The following SGCZ variants were observed in gnomAD, a reference collection of about 807,000 sequenced individuals.
SGCZ encodes the protein sarcoglycan zeta.
A neutral mutation model predicts 41.3 loss-of-function variants in SGCZ; 40 were observed. The observed-to-expected ratio is 0.97, with a 90% CI of 0.75 to 1.26. SGCZ has a LOEUF of 1.26. Ranked by LOEUF, SGCZ falls within the 50% of genes most tolerant of loss-of-function variation. The pLI is 0.00. For synonymous variants in SGCZ, 206 were observed against 137.5 expected (o/e 1.50, Z -3.49); for missense variants, 552 against 369.8 (o/e 1.49, Z -4.04).
At chr8:14,665,085 A>T (rs1444474384) in intron 1 of SGCZ, among the ~76,000 whole-genome samples, 2 of 152,354 alleles carry the variant, frequency 1.3e-5, no homozygotes, top group Admixed American at 6.5e-5. Context: ...ACATATGTAT[A>T]CATGCCATGT....
chr8:14,280,370 T>G (rs1180145503), intron 3 of SGCZ, among the ~76,000 whole-genome samples: 2 of 151,854 alleles, frequency 1.3e-5, no homozygotes, highest in African/African-American at 4.8e-5. Flanking sequence ...AATGATTAAG[T>G]GTTTATAACC....
At chr8:14,367,008 G>C (rs1803732370) in intron 2 of SGCZ, among the ~76,000 whole-genome samples, 1 of 152,048 alleles carries the variant, frequency 6.6e-6, no homozygotes, top group South Asian at 2.1e-4. Flanking sequence ...CAGAAAATGG[G>C]TTTTTCTTTT....
intron 7 of SGCZ, among the ~76,000 whole-genome samples, chr8:14,093,479 G>A (rs1041076656): frequency 2.0e-5 from 3 of 151,982 alleles, no homozygotes; most frequent in African/African-American, 7.3e-5. Flanking sequence ...TCTTCCTCTT[G>A]CTCCAGTTCT....
intron 1 of SGCZ, among the ~76,000 whole-genome samples, chr8:15,006,134 G>C (rs1585463916): frequency 6.6e-6 from 1 of 152,118 alleles, no homozygotes; most frequent in Non-Finnish European, 1.5e-5. Flanking sequence ...GGGAAAGAGA[G>C]AGGAATAAAT....
intron 1 of SGCZ, among the ~76,000 whole-genome samples, chr8:14,555,557 C>T (rs1310274017): frequency 2.6e-5 from 4 of 152,042 alleles, no homozygotes; most frequent in Admixed American, 2.0e-4. Flanking sequence ...CCTGTACAGC[C>T]TGTAGAACTA....
At chr8:14,740,012 T>G (rs1799153110) in intron 1 of SGCZ, among the ~76,000 whole-genome samples, 1 of 152,010 alleles carries the variant, frequency 6.6e-6, no homozygotes, top group African/African-American at 2.4e-5. Flanking sequence ...TAGGCCTTAT[T>G]ACAAAGTCAA....
chr8:14,573,903 C>G (rs1804633481), intron 1 of SGCZ, among the ~76,000 whole-genome samples: 1 of 152,006 alleles, frequency 6.6e-6, no homozygotes, highest in South Asian at 2.1e-4. Flanking sequence ...AAGGTGAGTT[C>G]CTTTAAGCCA....
intron 1 of SGCZ, among the ~76,000 whole-genome samples, chr8:15,178,545 G>A (rs115542254): frequency 6.6e-6 from 1 of 152,122 alleles, no homozygotes; most frequent in Admixed American, 6.5e-5. Flanking sequence ...CTTATTCTTT[G>A]TTTATTGTAT....
At chr8:14,937,102 G>T (rs1372905957) in intron 1 of SGCZ, among the ~76,000 whole-genome samples, 2 of 151,724 alleles carry the variant, frequency 1.3e-5, no homozygotes, top group African/African-American at 4.8e-5. Context: ...CTGGCCAAAA[G>T]TTGATTATCT....
intron 1 of SGCZ, among the ~76,000 whole-genome samples, chr8:14,969,339 C>T (rs961291249): frequency 1.3e-5 from 2 of 152,116 alleles, no homozygotes; most frequent in Non-Finnish European, 2.9e-5. Context: ...GAAACATCTA[C>T]TTTCATCATT....
intron 1 of SGCZ, among the ~76,000 whole-genome samples, chr8:14,634,893 T>C (rs991308799): frequency 3.9e-5 from 6 of 151,916 alleles, no homozygotes; most frequent in African/African-American, 1.2e-4. Context: ...CATCCAAGTA[T>C]CATAATTTTA....
intron 1 of SGCZ, among the ~76,000 whole-genome samples, chr8:14,832,670 T>C (rs1802572074): frequency 6.6e-6 from 1 of 152,174 alleles, no homozygotes. Context: ...TTCTCTTTGT[T>C]ATCAGGGCCA....
At chr8:14,500,249 T>A (rs1481332229) in intron 2 of SGCZ, among the ~76,000 whole-genome samples, 1 of 152,060 alleles carries the variant, frequency 6.6e-6, no homozygotes, top group Non-Finnish European at 1.5e-5. Flanking sequence ...TGTAATGTAG[T>A]TTGAGCACGT....
intron 1 of SGCZ, among the ~76,000 whole-genome samples, chr8:14,604,615 C>G (rs976649092): frequency 6.6e-6 from 1 of 152,088 alleles, no homozygotes; most frequent in African/African-American, 2.4e-5. Context: ...ATCATTCCTC[C>G]AAGATATGAC....
chr8:14,250,331 C>T (rs918267651), intron 3 of SGCZ, among the ~76,000 whole-genome samples: 3 of 152,110 alleles, frequency 2.0e-5, no homozygotes, highest in African/African-American at 7.2e-5. Context: ...GAATGTTTGC[C>T]CTCCACACCC....
intron 4 of SGCZ, among the ~76,000 whole-genome samples, chr8:14,231,957 T>C (rs911793582): frequency 6.6e-6 from 1 of 152,018 alleles, no homozygotes; most frequent in African/African-American, 2.4e-5. Flanking sequence ...TAATAGAAAC[T>C]TTAGATATAT....
At chr8:14,873,118 G>A (rs1026779312) in intron 1 of SGCZ, among the ~76,000 whole-genome samples, 1 of 152,132 alleles carries the variant, frequency 6.6e-6, no homozygotes, top group Non-Finnish European at 1.5e-5. Context: ...TAATAATGGA[G>A]TGAAGTGTAT....
chr8:14,239,673 C>A (rs897808706), intron 3 of SGCZ, among the ~76,000 whole-genome samples: 1 of 151,436 alleles, frequency 6.6e-6, no homozygotes, highest in African/African-American at 2.4e-5. Flanking sequence ...GAGGCCGAGG[C>A]GGGCGGATCA....
chr8:14,394,153 T>C lies in SGCZ; in HGVS notation c.235-69949A>G, dbSNP rs9693011. ...CCTACCGCCCCCCACCTTTTTTTTTTTTTTTTTTTTTTTTTGAGATTTAGT... is the reference window on the plus strand; with the variant it reads ...CCTACCGCCCCCCACCTTTTTTTTTCTTTTTTTTTTTTTTTGAGATTTAGT... On this transcript the variant is annotated intron_variant, in intron 2 of 7. Transcript: ENST00000382080. Among the ~76,000 whole-genome samples, 9 of 87,582 alleles carry C rather than the reference T, an allele frequency of 1.0e-4. 1 individual carries two copies. The highest frequency in any genetic ancestry group is 3.4e-4 in the African/African-American group (9 of 26,716). The allele number at this position is 87,582 out of a possible 152,430, so 57.5% of individuals were successfully genotyped here.
Sources: gnomAD v4.1 joint callset for allele counts (sites outside exome capture counted in the v4.1 genomes callset) on GRCh38, gnomAD v4.1.1 for gene constraint, MANE v1.5 for transcripts, NCBI Gene and HGNC (gene_info 2026-07-23, HGNC 2026-07-21) for gene names.